Variants in EFCAB7 observed in about 807,000 individuals in gnomAD.
The protein encoded by EFCAB7 is EF-hand calcium-binding domain-containing protein 7.
In EFCAB7, 66 loss-of-function variants were observed where a neutral mutation model predicts 77.1. That is an observed-to-expected ratio of 0.86 (90% CI 0.70 to 1.05). The LOEUF (loss-of-function observed/expected upper bound fraction) is 1.05. Ranked by LOEUF, EFCAB7 falls within the 50% of genes least tolerant of loss-of-function variation. The pLI is 0.00. For synonymous variants in EFCAB7, 225 were observed against 243.3 expected (o/e 0.92, Z 0.70); for missense variants, 638 against 730.5 (o/e 0.87, Z 1.46).
chr1:63,557,345 T>C (rs1203831910), intron 10 of EFCAB7, 98 bp downstream of exon 10: 3 of 1,151,176 alleles, frequency 2.6e-6, no homozygotes, highest in Non-Finnish European at 3.6e-6. Context: ...CATGAAATAT[T>C]ATTATAGCAT....
chr1:63,535,192 T>C (rs889213364), intron 6 of EFCAB7, among the ~76,000 whole-genome samples: 2 of 152,082 alleles, frequency 1.3e-5, no homozygotes, highest in Non-Finnish European at 2.9e-5. Flanking sequence ...AAATAAATAT[T>C]AATGTGGATT....
downstream of EFCAB7, among the ~76,000 whole-genome samples, chr1:63,575,150 CTCCT>C (rs1291198542): frequency 6.6e-6 from 1 of 152,044 alleles, no homozygotes; most frequent in African/African-American, 2.4e-5. Flanking sequence ...ATCACTGTAA[CTCCT>C]TCCAACTTTA....
intron 6 of EFCAB7, chr1:63,536,799 T>A (rs1358111779): frequency 6.6e-6 from 1 of 152,234 alleles, no homozygotes; most frequent in Non-Finnish European, 1.5e-5. Flanking sequence ...TTCATAAATT[T>A]CATATATTCC....
intron 6 of EFCAB7, among the ~76,000 whole-genome samples, chr1:63,544,579 A>C (rs923228771): frequency 2.0e-5 from 3 of 151,636 alleles, no homozygotes; most frequent in Admixed American, 1.3e-4. Flanking sequence ...TGCCCGGCTA[A>C]TTTTTGTATT....
At chr1:63,538,644 G>T (rs1570395827) in intron 6 of EFCAB7, among the ~76,000 whole-genome samples, 1 of 152,122 alleles carries the variant, frequency 6.6e-6, no homozygotes, top group Admixed American at 6.5e-5. Flanking sequence ...GTAGAGACAG[G>T]GTTTCACCAC....
At chr1:63,540,363 C>CAA (rs758025864) in intron 6 of EFCAB7, among the ~76,000 whole-genome samples, 73 of 43,238 alleles carry the variant, frequency 1.7e-3, no homozygotes, top group Non-Finnish European at 2.3e-3. Flanking sequence ...GACTCCATCT[C>CAA]AAAAAAAAAA....
intron 6 of EFCAB7, among the ~76,000 whole-genome samples, chr1:63,543,971 C>CTTTTTT (rs35018430): frequency 3.8e-5 from 5 of 131,132 alleles, no homozygotes; most frequent in African/African-American, 5.6e-5. Context: ...TTTCTTTTTT[C>CTTTTTT]TTTTTTTTTT....
chr1:63,541,323 A>C (rs1351829624), intron 6 of EFCAB7, among the ~76,000 whole-genome samples: 1 of 152,198 alleles, frequency 6.6e-6, no homozygotes, highest in African/African-American at 2.4e-5. Flanking sequence ...TTATTACATT[A>C]TATACCATTG....
chr1:63,562,185 T>C (rs1007702961), intron 11 of EFCAB7, among the ~76,000 whole-genome samples: 1 of 151,884 alleles, frequency 6.6e-6, no homozygotes, highest in African/African-American at 2.4e-5. Flanking sequence ...GGAAACACTT[T>C]GTCTTAACAG....
At chr1:63,553,975 T>C (rs1646996907) in intron 8 of EFCAB7, among the ~76,000 whole-genome samples, 1 of 152,076 alleles carries the variant, frequency 6.6e-6, no homozygotes. Flanking sequence ...GCTGGGACTA[T>C]AGATGCATTA....
chr1:63,533,658 T>C lies in EFCAB7; in HGVS notation c.682+9T>C. 6.5e-7 allele frequency: 1 copy of C among 1,527,238 alleles called. No individual in the cohort carries two copies. The highest frequency in any genetic ancestry group is 8.8e-7 in the Non-Finnish European group (1 of 1,132,902). 94.6% of individuals were successfully genotyped at this position (1,527,238 alleles called of 1,614,324 possible). On this transcript the variant is annotated intron_variant, in intron 5 of 13. Transcript: ENST00000371088. The stretch of plus-strand genomic sequence containing the variant: ...AACATTCTTAAATAAAGGTATTTAC[T>C]TTTAACACTAAGAATTTCTTGATCA...
chr1:63,553,868 T>A (rs1268571112), intron 8 of EFCAB7, among the ~76,000 whole-genome samples: 1 of 151,702 alleles, frequency 6.6e-6, no homozygotes, highest in East Asian at 2.0e-4. Context: ...AGAGATAGGG[T>A]CTCACTCTGC....
the EFCAB7 span, among the ~76,000 whole-genome samples, chr1:63,579,269 TCATCA>T: frequency 1.3e-5 from 2 of 152,224 alleles, no homozygotes; most frequent in African/African-American, 4.8e-5. Context: ...TATTCTATTC[TCATCA>T]CTATAGTTTT....
At chr1:63,565,360 A>G (rs1399006254) in intron 11 of EFCAB7, among the ~76,000 whole-genome samples, 1 of 150,748 alleles carries the variant, frequency 6.6e-6, no homozygotes, top group Non-Finnish European at 1.5e-5. Context: ...CTCCGTCTCA[A>G]AAAAAAAAAC....
chr1:63,530,705 C>T (rs1488585084), intron 2 of EFCAB7, among the ~76,000 whole-genome samples: 1 of 152,098 alleles, frequency 6.6e-6, no homozygotes, highest in East Asian at 1.9e-4. Context: ...TTTAGCAGGA[C>T]CATGCCTGCA....
chr1:63,565,065 G>A (rs1647153612), intron 11 of EFCAB7, among the ~76,000 whole-genome samples: 1 of 152,134 alleles, frequency 6.6e-6, no homozygotes, highest in Admixed American at 6.6e-5. Flanking sequence ...AATTAACTAG[G>A]GCTGGGTGTG....
downstream of EFCAB7, among the ~76,000 whole-genome samples, chr1:63,574,825 G>A (rs1406864145): frequency 6.6e-6 from 1 of 152,176 alleles, no homozygotes; most frequent in African/African-American, 2.4e-5. Context: ...AAATATTGAC[G>A]CGTAGTCCTT....
chr1:63,539,032 C>T (rs1354815517), intron 6 of EFCAB7, among the ~76,000 whole-genome samples: 1 of 152,056 alleles, frequency 6.6e-6, no homozygotes, highest in South Asian at 2.1e-4. Context: ...CTCACAAATT[C>T]TCTTCTATTA....
intron 11 of EFCAB7, among the ~76,000 whole-genome samples, chr1:63,562,499 C>CTTTT (rs371313667): frequency 1.4e-5 from 1 of 73,654 alleles, no homozygotes; most frequent in African/African-American, 4.5e-5. Flanking sequence ...ATATATAAAA[C>CTTTT]TTTTTTTTTT....
Sources: allele counts gnomAD v4.1 joint callset (sites outside exome capture counted in the v4.1 genomes callset), GRCh38; gene constraint gnomAD v4.1.1; transcripts MANE v1.5; gene names NCBI Gene and HGNC (gene_info 2026-07-23, HGNC 2026-07-21).